Variants in CEP15 observed in about 807,000 individuals in gnomAD.
The protein encoded by CEP15 is centrosomal protein 15 kDa.
the CEP15 span, among the ~76,000 whole-genome samples, chr3:62,327,880 GCAATTTTTGTTCTTATTT>G: frequency 1.3e-5 from 2 of 152,158 alleles, no homozygotes; most frequent in African/African-American, 2.4e-5. Context: ...TCGATCCCTT[GCAATTTTTGTTCTTATTT>G]ATGCCTGATG....
At chr3:62,333,306 C>A in the CEP15 span, 1 of 1,611,558 alleles carries the variant, frequency 6.2e-7, no homozygotes, top group Non-Finnish European at 8.5e-7. The surrounding 1 kb of genome is among the most constrained non-coding windows in gnomAD (Gnocchi z 4.0). Flanking sequence ...GGAACAGTTT[C>A]TTTTAGGAAG....
At chr3:62,322,020 G>T in the CEP15 span, 6 of 1,609,412 alleles carry the variant, frequency 3.7e-6, no homozygotes, top group Non-Finnish European at 4.2e-6. The surrounding 1 kb of genome is among the most constrained non-coding windows in gnomAD (Gnocchi z 5.5). Flanking sequence ...AAACTGTTGA[G>T]ACTGCTTTTA....
At chr3:62,322,067 A>G in the CEP15 span, 1 of 1,598,474 alleles carries the variant, frequency 6.3e-7, no homozygotes, top group Non-Finnish European at 8.5e-7. This position sits in a 1 kb window ranked among gnomAD's most constrained non-coding sequence, Gnocchi z 5.5. Flanking sequence ...AGTTTCCATG[A>G]CTTGAATATA....
At chr3:62,330,611 G>A in the CEP15 span, among the ~76,000 whole-genome samples, 1 of 152,112 alleles carries the variant, frequency 6.6e-6, no homozygotes, top group Non-Finnish European at 1.5e-5. Flanking sequence ...ATACACATAT[G>A]TACAAGTAAA....
At chr3:62,322,053 G>A in the CEP15 span, 37 of 1,601,772 alleles carry the variant, frequency 2.3e-5, no homozygotes, top group South Asian at 4.0e-4. The surrounding 1 kb of genome is among the most constrained non-coding windows in gnomAD (Gnocchi z 5.5). Flanking sequence ...GTCTTTTAAA[G>A]GTAAGTTTCC....
chr3:62,333,561 T>C, the CEP15 span: 2 of 638,914 alleles, frequency 3.1e-6, no homozygotes, highest in Non-Finnish European at 4.9e-6. This position sits in a 1 kb window ranked among gnomAD's most constrained non-coding sequence, Gnocchi z 4.0. Context: ...CACCTACTAC[T>C]ATTTCAAGGT....
chr3:62,333,593 A>C, the CEP15 span: 1 of 472,504 alleles, frequency 2.1e-6, no homozygotes, highest in Non-Finnish European at 3.7e-6. The surrounding 1 kb of genome is among the most constrained non-coding windows in gnomAD (Gnocchi z 4.0). Flanking sequence ...TTTCTACCAA[A>C]CCCATAGATG....
At chr3:62,333,225 G>A in the CEP15 span, 4 of 1,601,974 alleles carry the variant, frequency 2.5e-6, no homozygotes, top group Admixed American at 5.1e-5. The surrounding 1 kb of genome is among the most constrained non-coding windows in gnomAD (Gnocchi z 4.0). Context: ...TGCTTGATAT[G>A]CTTTTTTACT....
the CEP15 span, chr3:62,321,982 C>T: frequency 8.0e-5 from 129 of 1,608,308 alleles, no homozygotes; most frequent in Admixed American, 2.2e-3. The surrounding 1 kb of genome is among the most constrained non-coding windows in gnomAD (Gnocchi z 4.1). Context: ...ATTGGGTGAT[C>T]AACACACAGA....
the CEP15 span, chr3:62,319,337 C>G: frequency 3.5e-4 from 53 of 152,326 alleles, no homozygotes; most frequent in African/African-American, 1.1e-3. Flanking sequence ...CCGGGATTCC[C>G]TTGGCGCTGC....
the CEP15 span, among the ~76,000 whole-genome samples, chr3:62,320,974 C>T: frequency 1.3e-4 from 20 of 152,288 alleles, no homozygotes; most frequent in East Asian, 3.9e-3. Flanking sequence ...TTTTCCTCCT[C>T]TGTTTGTGGG....
chr3:62,326,107 G>A, the CEP15 span, among the ~76,000 whole-genome samples: 1 of 152,116 alleles, frequency 6.6e-6, no homozygotes, highest in Non-Finnish European at 1.5e-5. Context: ...ACACTCCGGG[G>A]TGAGAAAGAA....
At chr3:62,319,105 G>T in the CEP15 span, 1 of 152,374 alleles carries the variant, frequency 6.6e-6, no homozygotes, top group African/African-American at 2.4e-5. Flanking sequence ...TGACGGCCGC[G>T]CAGGGCCTTG....
the CEP15 span, among the ~76,000 whole-genome samples, chr3:62,320,834 T>C: frequency 6.6e-6 from 1 of 152,318 alleles, no homozygotes; most frequent in South Asian, 2.1e-4. Context: ...GCTTCTTGGG[T>C]ATGTGACTTA....
At chr3:62,332,704 T>C in the CEP15 span, among the ~76,000 whole-genome samples, 2 of 152,078 alleles carry the variant, frequency 1.3e-5, no homozygotes, top group Admixed American at 6.6e-5. Flanking sequence ...TGGGGAAAAA[T>C]TATAGTGGAT....
chr3:62,335,647 T>C, the CEP15 span: 1 of 152,160 alleles, frequency 6.6e-6, no homozygotes, highest in Non-Finnish European at 1.5e-5. Flanking sequence ...GGAAATGTCA[T>C]CTATTCATAC....
chr3:62,319,128 G>C, the CEP15 span: 1 of 152,510 alleles, frequency 6.6e-6, no homozygotes, highest in Non-Finnish European at 1.5e-5. Context: ...GGACCGCTGG[G>C]GAGGATGTTG....
chr3:62,328,633 C>T, the CEP15 span, among the ~76,000 whole-genome samples: 7 of 152,134 alleles, frequency 4.6e-5, no homozygotes, highest in Non-Finnish European at 7.4e-5. Context: ...TTTTCGCCCC[C>T]CTTTTTCCTT....
At chr3:62,325,766 G>T in the CEP15 span, among the ~76,000 whole-genome samples, 2 of 152,178 alleles carry the variant, frequency 1.3e-5, no homozygotes, top group African/African-American at 4.8e-5. Flanking sequence ...AGGTGCGGTG[G>T]CTCACGCCTG....
Sources: allele counts gnomAD v4.1 joint callset (sites outside exome capture counted in the v4.1 genomes callset), GRCh38; gene constraint gnomAD v4.1.1; non-coding constraint Gnocchi (gnomAD v3.1); transcripts MANE v1.5; gene names NCBI Gene and HGNC (gene_info 2026-07-23, HGNC 2026-07-21).